The following DDX60L variants were observed in gnomAD, a reference collection of about 807,000 sequenced individuals.
DDX60L encodes the protein probable ATP-dependent RNA helicase DDX60-like.
DDX60L carries 191 observed loss-of-function variants against 211.6 expected under a neutral mutation model. That is an observed-to-expected ratio of 0.90 (90% CI 0.80 to 1.02). DDX60L has a LOEUF of 1.02. DDX60L is among the 50% of genes least tolerant of loss of function. DDX60L has a pLI of 0.00. For synonymous variants in DDX60L, 706 were observed against 694.1 expected (o/e 1.02, Z -0.27); for missense variants, 2,007 against 1,984.1 (o/e 1.01, Z -0.22).
chr4:168,389,583 A>G (rs753830980), intron 29 of DDX60L, among the ~76,000 whole-genome samples: 41 of 152,236 alleles, frequency 2.7e-4, no homozygotes, highest in Non-Finnish European at 4.4e-4. Context: ...ATTCTGATAC[A>G]GCTGGACAAA....
At chr4:168,473,052 GC>G (rs752595506) in intron 1 of DDX60L, among the ~76,000 whole-genome samples, 2 of 152,010 alleles carry the variant, frequency 1.3e-5, no homozygotes, top group Admixed American at 1.3e-4. Flanking sequence ...TAGTTAATTT[GC>G]CCCCCAAAAA....
chr4:168,372,136 A>G (rs961767051), intron 35 of DDX60L, among the ~76,000 whole-genome samples: 1 of 152,180 alleles, frequency 6.6e-6, no homozygotes, highest in Non-Finnish European at 1.5e-5. Context: ...TTTCATCGTT[A>G]TCTTCATTGG....
chr4:168,394,336 C>T (rs17612130), intron 28 of DDX60L, 129 bp downstream of exon 28: 27,400 of 649,916 alleles, frequency 0.042, 666 homozygotes, highest in Middle Eastern at 0.087. Context: ...GCAGTCCAGT[C>T]CAGTGAGTTG....
intron 1 of DDX60L, among the ~76,000 whole-genome samples, chr4:168,479,937 T>G (rs1003705927): frequency 1.5e-5 from 2 of 129,166 alleles, no homozygotes; most frequent in Non-Finnish European, 3.1e-5. Context: ...TGAGCAGAGA[T>G]AACGCCACTG....
chr4:168,390,738 T>C (rs1482103539), intron 29 of DDX60L, among the ~76,000 whole-genome samples: 5 of 152,070 alleles, frequency 3.3e-5, no homozygotes, highest in Admixed American at 3.3e-4. Flanking sequence ...ATGAGAAGAC[T>C]CTCAGGTATA....
At chr4:168,457,843 T>A in intron 6 of DDX60L, 49 bp downstream of exon 6, 2 of 1,219,162 alleles carry the variant, frequency 1.6e-6, no homozygotes, top group Non-Finnish European at 2.3e-6. Flanking sequence ...TCATTCTCAT[T>A]TACCAAATTC....
At chr4:168,435,729 C>T (rs568128156) in intron 10 of DDX60L, among the ~76,000 whole-genome samples, 2 of 152,242 alleles carry the variant, frequency 1.3e-5, no homozygotes, top group South Asian at 4.1e-4. Context: ...AATTTAGCCC[C>T]CAGGGAATTT....
intron 35 of DDX60L, among the ~76,000 whole-genome samples, chr4:168,373,140 G>C (rs1258963459): frequency 6.6e-6 from 1 of 152,022 alleles, no homozygotes; most frequent in Non-Finnish European, 1.5e-5. Context: ...CTGACCCAGG[G>C]ATAAAATAAG....
intron 9 of DDX60L, among the ~76,000 whole-genome samples, chr4:168,442,160 C>A (rs1753957295): frequency 3.3e-5 from 5 of 152,040 alleles, no homozygotes; most frequent in Admixed American, 3.3e-4. Flanking sequence ...CGTGTGCGAG[C>A]CGAAGCAGGG....
At chr4:168,478,585 G>A (rs1215016121) in intron 1 of DDX60L, among the ~76,000 whole-genome samples, 1 of 152,030 alleles carries the variant, frequency 6.6e-6, no homozygotes, top group Non-Finnish European at 1.5e-5. Context: ...CCTGCAGCAG[G>A]GAAAACCACA....
intron 22 of DDX60L, among the ~76,000 whole-genome samples, chr4:168,414,427 A>G (rs949581984): frequency 1.3e-5 from 2 of 152,144 alleles, no homozygotes; most frequent in African/African-American, 2.4e-5. Context: ...AGACAATACA[A>G]TAAGATATTA....
At chr4:168,453,959 T>C (rs562832986) in intron 7 of DDX60L, among the ~76,000 whole-genome samples, 1 of 152,022 alleles carries the variant, frequency 6.6e-6, no homozygotes, top group African/African-American at 2.4e-5. Context: ...GTAAAGGAGA[T>C]TCAAATGAGA....
intron 35 of DDX60L, among the ~76,000 whole-genome samples, chr4:168,373,283 G>A (rs1741346060): frequency 6.6e-6 from 1 of 151,990 alleles, no homozygotes; most frequent in Non-Finnish European, 1.5e-5. Flanking sequence ...CTAATGCTTT[G>A]TGGCCCCCTT....
chr4:168,442,697 C>T lies in DDX60L; in HGVS notation c.1139-1205G>A, dbSNP rs867872016. Among the ~76,000 whole-genome samples, 592 of 151,532 alleles carry T rather than the reference C, an allele frequency of 3.9e-3. 2 individuals are homozygous for T. The highest frequency in any genetic ancestry group is 0.013 in the African/African-American group (530 of 41,278). ...GGAGATCTGAGAACGGGCAGACTGC[C>T]TCCTCAAGTGGGTCCCTGACCCCTG... On this transcript the variant is annotated intron_variant, in intron 9 of 37. Transcript: ENST00000682922.
Position 168,361,181 on chromosome 4 carries a change from C to A in DDX60L, c.4959G>T (p.Leu1653Phe). 6.2e-7 allele frequency: 1 copy of A among 1,608,704 alleles called. No homozygotes were observed. The highest frequency in any genetic ancestry group is 8.5e-7 in the Non-Finnish European group (1 of 1,176,190). ...GMRMGQLLKC[L>F]KDFAFNIQAI... ...CCTGAATGTTGAATGCAAAATCTTT[C>A]AAACACTTTAAAAGCTGTCCCATAC... Residue 1653 changes from leucine (L) to phenylalanine (F), a missense_variant, in exon 37 of 38, where the codon TTG becomes TTT. By Grantham distance (22) the Leu-to-Phe change is conservative. Coordinates refer to ENST00000682922, the MANE Select transcript of DDX60L (RefSeq NM_001012967.3).
chr4:168,399,393 C>A (rs2149767208), intron 26 of DDX60L, among the ~76,000 whole-genome samples: 1 of 152,312 alleles, frequency 6.6e-6, no homozygotes, highest in Non-Finnish European at 1.5e-5. Flanking sequence ...AAGCTGCTTG[C>A]AGTACGCCTG....
rs1418518663 is a variant in DDX60L, at chr4:168,416,784, C to T, written c.2624G>A (p.Gly875Asp). The T allele has an allele frequency of 3.2e-6, 5 of 1,582,812 alleles. No individual in the cohort carries two copies. The East Asian group carries it at 1.1e-4, about 36-fold the overall frequency. ...YVIFDEVHYL[G>D]REVGAKFWEL... Reference sequence around the variant, plus strand: ...CCAAAATTTTGCTCCAACTTCTCTGCCAAGATAATGGACCTAGTAAAGAAA... The same window carrying T: ...CCAAAATTTTGCTCCAACTTCTCTGTCAAGATAATGGACCTAGTAAAGAAA... The change falls in exon 20 of 38, where the codon GGC (glycine) becomes GAC (aspartate). Residue 875 changes from glycine to aspartate, a missense_variant. Coordinates refer to ENST00000682922, the MANE Select transcript of DDX60L (RefSeq NM_001012967.3).
chr4:168,446,605 G>A (rs1198897605), intron 9 of DDX60L, among the ~76,000 whole-genome samples: 3 of 152,128 alleles, frequency 2.0e-5, no homozygotes, highest in Admixed American at 6.5e-5. Flanking sequence ...AAAGCTGGAG[G>A]CATCACACTA....
At chr4:168,374,762 C>T (rs1035973689) in intron 34 of DDX60L, among the ~76,000 whole-genome samples, 4 of 152,206 alleles carry the variant, frequency 2.6e-5, no homozygotes, top group Admixed American at 6.5e-5. Flanking sequence ...AATAGACTTA[C>T]GCGATGTTGA....
Sources: gnomAD v4.1 joint callset for allele counts (sites outside exome capture counted in the v4.1 genomes callset) on GRCh38, gnomAD v4.1.1 for gene constraint, MANE v1.5 for transcripts, NCBI Gene and HGNC (gene_info 2026-07-23, HGNC 2026-07-21) for gene names.